Variants in CD96 observed in about 807,000 individuals in gnomAD.
CD96 encodes the protein CD96 molecule, also known as T-cell surface protein tactile.
Under a neutral mutation model 71.3 loss-of-function variants are expected in CD96, and 70 were observed. That is an observed-to-expected ratio of 0.98 (90% CI 0.81 to 1.20). CD96 has a LOEUF of 1.20. CD96 is among the 50% of genes most tolerant of loss of function. CD96 has a pLI of 0.00. For missense variants in CD96, 742 were observed against 677.5 expected (o/e 1.10, Z -1.06); for synonymous variants, 248 against 233.0 (o/e 1.06, Z -0.59).
intron 8 of CD96, among the ~76,000 whole-genome samples, chr3:111,607,945 C>T (rs1937704014): frequency 6.6e-6 from 1 of 152,144 alleles, no homozygotes; most frequent in Non-Finnish European, 1.5e-5. Context: ...CCTTAAATCT[C>T]TCTAGTATCC....
At chr3:111,561,836 G>A (rs1354926686) in intron 2 of CD96, among the ~76,000 whole-genome samples, 6 of 151,082 alleles carry the variant, frequency 4.0e-5, no homozygotes, top group Non-Finnish European at 8.9e-5. Context: ...TTTGATCTCA[G>A]ACTGCTGTGC....
intron 8 of CD96, among the ~76,000 whole-genome samples, chr3:111,614,681 G>A (rs954344125): frequency 6.6e-6 from 1 of 152,064 alleles, no homozygotes; most frequent in Non-Finnish European, 1.5e-5. Flanking sequence ...TACTCTATGG[G>A]GGAAGTGCTC....
downstream of CD96, among the ~76,000 whole-genome samples, chr3:111,653,170 C>T (rs866511328): frequency 6.6e-6 from 1 of 152,144 alleles, no homozygotes; most frequent in African/African-American, 2.4e-5. Flanking sequence ...CTACCATCAC[C>T]ATGAGAAGAT....
At chr3:111,610,178 ATAAAACTCATGT>A (rs918455449) in intron 8 of CD96, among the ~76,000 whole-genome samples, 1 of 152,242 alleles carries the variant, frequency 6.6e-6, no homozygotes, top group Admixed American at 6.5e-5. Context: ...TTGTATGTCA[ATAAAACTCATGT>A]TAAACCAGTG....
intron 3 of CD96, among the ~76,000 whole-genome samples, chr3:111,574,284 C>G (rs1228798669): frequency 6.6e-6 from 1 of 152,028 alleles, no homozygotes; most frequent in African/African-American, 2.4e-5. Flanking sequence ...TCAAAATGCT[C>G]CAAAATCTGA....
chr3:111,555,657 A>T (rs1037885042), intron 2 of CD96, among the ~76,000 whole-genome samples: 1 of 152,282 alleles, frequency 6.6e-6, no homozygotes, highest in African/African-American at 2.4e-5. Context: ...TTTATAATTT[A>T]GTCTTTCTTT....
chr3:111,556,674 T>A (rs906971395), intron 2 of CD96, among the ~76,000 whole-genome samples: 4 of 140,982 alleles, frequency 2.8e-5, no homozygotes, highest in African/African-American at 1.1e-4. Context: ...TACGTGTGCA[T>A]GTGTCTTTAT....
At chr3:111,552,548 AG>A (rs1934770087) in intron 2 of CD96, among the ~76,000 whole-genome samples, 1 of 152,068 alleles carries the variant, frequency 6.6e-6, no homozygotes, top group South Asian at 2.1e-4. Context: ...TAAATATTTT[AG>A]GCTTTGTGGT....
intron 3 of CD96, among the ~76,000 whole-genome samples, chr3:111,568,828 C>T (rs1008516592): frequency 2.6e-5 from 4 of 152,174 alleles, no homozygotes; most frequent in East Asian, 1.9e-4. Flanking sequence ...CAGCTACTAA[C>T]CAGTGTATAC....
chr3:111,638,633 TAA>T (rs1939448786), intron 12 of CD96, among the ~76,000 whole-genome samples: 3 of 152,160 alleles, frequency 2.0e-5, no homozygotes, highest in Non-Finnish European at 4.4e-5. Context: ...TTTTATATCA[TAA>T]GAGAGCAAAA....
intron 8 of CD96, among the ~76,000 whole-genome samples, chr3:111,616,630 C>G (rs990989237): frequency 6.6e-6 from 1 of 152,192 alleles, no homozygotes; most frequent in Non-Finnish European, 1.5e-5. Context: ...TAGTGTCAGA[C>G]AGCCTTGGGT....
At chr3:111,640,711 G>C (rs2107765401) in intron 12 of CD96, among the ~76,000 whole-genome samples, 1 of 152,286 alleles carries the variant, frequency 6.6e-6, no homozygotes, top group South Asian at 2.1e-4. Context: ...TTAAGACAAA[G>C]GACAGAATCT....
chr3:111,567,430 C>A, intron 2 of CD96, 93 bp from the exon 3 acceptor site: 2 of 972,032 alleles, frequency 2.1e-6, no homozygotes, highest in Non-Finnish European at 3.3e-6. Context: ...ACAGATGAAT[C>A]CCTATACTAA....
intron 3 of CD96, among the ~76,000 whole-genome samples, chr3:111,568,000 A>G (rs747621312): frequency 2.6e-5 from 4 of 152,248 alleles, no homozygotes; most frequent in Non-Finnish European, 5.9e-5. Flanking sequence ...TTCACAAACA[A>G]CATATGCAGA....
chr3:111,593,036 C>T (rs1937067825), intron 5 of CD96: 1 of 152,380 alleles, frequency 6.6e-6, no homozygotes, highest in African/African-American at 2.4e-5. Flanking sequence ...ACAGAACAAG[C>T]TTTTATTCAT....
At chr3:111,637,174 T>G (rs926245151) in intron 10 of CD96, 22 bp from the exon 11 acceptor site, 9 of 1,341,604 alleles carry the variant, frequency 6.7e-6, no homozygotes, top group Non-Finnish European at 9.7e-6. Flanking sequence ...AGGTTAACTC[T>G]TCTGATATCT....
At chr3:111,549,760 G>A (rs1333189291) in intron 2 of CD96, among the ~76,000 whole-genome samples, 2 of 152,104 alleles carry the variant, frequency 1.3e-5, no homozygotes, top group Non-Finnish European at 2.9e-5. Flanking sequence ...AAAAAATAGG[G>A]GAACATTGTA....
intron 8 of CD96, among the ~76,000 whole-genome samples, chr3:111,617,680 C>G (rs1193158236): frequency 6.6e-6 from 1 of 152,170 alleles, no homozygotes; most frequent in African/African-American, 2.4e-5. Flanking sequence ...CAGTGAAGCT[C>G]CTCTCCACCT....
At chr3:111,562,065 G>A (rs1426202778) in intron 2 of CD96, among the ~76,000 whole-genome samples, 2 of 152,206 alleles carry the variant, frequency 1.3e-5, no homozygotes, top group African/African-American at 4.8e-5. Flanking sequence ...CCCTGCTTCG[G>A]CTCCCGCACG....
Sources: allele counts gnomAD v4.1 joint callset (sites outside exome capture counted in the v4.1 genomes callset), GRCh38; gene constraint gnomAD v4.1.1; transcripts MANE v1.5; gene names NCBI Gene and HGNC (gene_info 2026-07-23, HGNC 2026-07-21).